The following SPATA32 variants were observed in gnomAD, a reference collection of about 807,000 sequenced individuals.
The protein encoded by SPATA32 is spermatogenesis associated 32, also known as spermatogenesis-associated protein 32.
Under a neutral mutation model 35.4 loss-of-function variants are expected in SPATA32, and 28 were observed. That is an observed-to-expected ratio of 0.79 (90% CI 0.59 to 1.09). SPATA32 has a LOEUF of 1.09. Ranked by LOEUF, SPATA32 falls within the 50% of genes least tolerant of loss-of-function variation. SPATA32 has a pLI of 0.00. For missense variants in SPATA32, 409 were observed against 475.9 expected (o/e 0.86, Z 1.31); for synonymous variants, 168 against 196.3 (o/e 0.86, Z 1.20).
chr17:45,256,120 T>C lies in SPATA32; in HGVS notation c.109-47A>G. 1 of 1,558,376 alleles carries C rather than the reference T, an allele frequency of 6.4e-7. No individual in the cohort carries two copies. The stretch of plus-strand genomic sequence containing the variant: ...CTGAGGAGGCAGGAGCGGGAGGTCC[T>C]GCCCCTGAGGCCCTCCCTGGCACCG... On this transcript the variant is annotated intron_variant, in intron 3 of 4. Coordinates refer to ENST00000331780, the MANE Select transcript of SPATA32 (RefSeq NM_152343.3). This position sits in a 1 kb window ranked among gnomAD's most constrained non-coding sequence, Gnocchi z 4.7.
Position 45,255,503 on chromosome 17 carries a change from G to C in SPATA32, c.679C>G (p.Leu227Val). The C allele has an allele frequency of 1.2e-6, 2 of 1,614,124 alleles. No individual in the cohort carries two copies. Among genetic ancestry groups the C allele is most frequent in the Non-Finnish European group, 1.7e-6 (2 of 1,180,014 alleles). Residue 227 changes from leucine (L) to valine (V), a missense_variant, in exon 4 of 5, where the codon CTC (leucine) becomes GTC (valine). By Grantham distance (32) the Leu-to-Val change is conservative. Coordinates refer to ENST00000331780, the MANE Select transcript of SPATA32 (RefSeq NM_152343.3). This position sits in a 1 kb window ranked among gnomAD's most constrained non-coding sequence, Gnocchi z 5.4. ...PTTSSQAPSPLLSSDLPPPID... is the reference protein window; with the variant it reads ...PTTSSQAPSPVLSSDLPPPID... ...GGTGGCGGGAGATCTGAGGACAGGA[G>C]GGGGCTTGGTGCCTGGGAGCTTGTG...
intron 1 of SPATA32, 181 bp downstream of exon 1, chr17:45,261,823 G>A: frequency 1.8e-6 from 1 of 570,664 alleles, no homozygotes. Flanking sequence ...GGGAGCCGTA[G>A]TCAGGGGCAC....
In SPATA32 at chr17:45,256,546, G is replaced by T; in HGVS notation, c.69-131C>A. 4 of 756,828 alleles carry T rather than the reference G, an allele frequency of 5.3e-6. No homozygotes were observed. Among genetic ancestry groups the T allele is most frequent in the South Asian group, 2.9e-5 (2 of 68,114 alleles). 46.9% of individuals were successfully genotyped at this position (756,828 alleles called of 1,614,324 possible). A position where few individuals can be genotyped will look rare whatever the true frequency, so the allele number is the denominator to read the frequency against. On this transcript the variant is annotated intron_variant, in intron 2 of 4. Coordinates refer to ENST00000331780, the MANE Select transcript of SPATA32 (RefSeq NM_152343.3). This position sits in a 1 kb window ranked among gnomAD's most constrained non-coding sequence, Gnocchi z 4.7. Reference sequence around the variant, plus strand: ...CGATGCACCTCCCGCCGACCACCCCGCCACCAGCTCATCCACTCCCCTGCT... The same window carrying T: ...CGATGCACCTCCCGCCGACCACCCCTCCACCAGCTCATCCACTCCCCTGCT...
Position 45,254,414 on chromosome 17 carries a change from G to T in SPATA32, c.*12C>A, listed in dbSNP as rs755014180. ...GACGGCCAGCACTGGAGGCTTTATT[G>T]GTTCTGTCTAGTCATTTCTCTGGGA... On this transcript the variant is annotated 3_prime_UTR_variant, in exon 5 of 5. Coordinates refer to ENST00000331780, the MANE Select transcript of SPATA32 (RefSeq NM_152343.3). 3.1e-6 allele frequency: 5 copies of T among 1,612,974 alleles called. No individual in the cohort carries two copies. Among genetic ancestry groups the T allele is most frequent in the Admixed American group, 1.7e-5 (1 of 60,022 alleles).
chr17:45,257,228 A>C, intron 1 of SPATA32, 21 bp from the exon 2 acceptor site: 1 of 1,601,466 alleles, frequency 6.2e-7, no homozygotes, highest in Non-Finnish European at 8.5e-7. Context: ...AAAGGAGGTG[A>C]GGGCAGGGAG....
Position 45,255,930 on chromosome 17 carries a change from T to C in SPATA32, c.252A>G (p.Glu84=), listed in dbSNP as rs552851789. The part of the protein sequence containing the change: ...ESELYPALKL[E]AELDTEANSN... ...AGTTGGCTTCCGTGTCCAGCTCAGC[T>C]TCAAGCTTGAGGGCTGGGTATAGCT... The change falls in exon 4 of 5, where the codon GAA becomes GAG. Residue 84 remains glutamate, a synonymous_variant. Coordinates refer to ENST00000331780, the MANE Select transcript of SPATA32 (RefSeq NM_152343.3). This position sits in a 1 kb window ranked among gnomAD's most constrained non-coding sequence, Gnocchi z 5.4. The C allele has an allele frequency of 6.2e-7, 1 of 1,614,128 alleles. No individual in the cohort carries two copies. The highest frequency in any genetic ancestry group is 1.1e-5 in the South Asian group (1 of 91,082).
chr17:45,255,434 T>C lies in SPATA32; in HGVS notation c.748A>G (p.Met250Val), dbSNP rs887908034. 6.2e-7 allele frequency: 1 copy of C among 1,614,130 alleles called. No individual in the cohort carries two copies. The highest frequency in any genetic ancestry group is 8.5e-7 in the Non-Finnish European group (1 of 1,180,028). ...AGGTCCATCCTGCTGGAGGAGGCCATGGCCAGGGAAGATGCAAAGGTGATT... is the reference window on the plus strand; with the variant it reads ...AGGTCCATCCTGCTGGAGGAGGCCACGGCCAGGGAAGATGCAAAGGTGATT... ...ELITFASSLAMASSSRMDLPS... is the reference protein window; with the variant it reads ...ELITFASSLAVASSSRMDLPS... Residue 250 changes from methionine (M) to valine (V), a missense_variant, in exon 4 of 5, where the codon ATG becomes GTG. Physicochemically the swap from Met to Val is conservative, Grantham distance 21. Coordinates refer to ENST00000331780, the MANE Select transcript of SPATA32 (RefSeq NM_152343.3). This position sits in a 1 kb window ranked among gnomAD's most constrained non-coding sequence, Gnocchi z 5.4.
chr17:45,261,980 C>A (rs770620396), intron 1 of SPATA32, 24 bp downstream of exon 1: 44 of 1,312,462 alleles, frequency 3.4e-5, no homozygotes, highest in Non-Finnish European at 4.3e-5. Flanking sequence ...CAACCCTCGC[C>A]CCCGGGCGCT....
chr17:45,261,310 C>G (rs1331527940), intron 1 of SPATA32, among the ~76,000 whole-genome samples: 5 of 152,152 alleles, frequency 3.3e-5, no homozygotes. Flanking sequence ...ATCTTGAACT[C>G]CTGGCCTCAT....
chr17:45,254,490 T>C lies in SPATA32; in HGVS notation c.1091A>G (p.Lys364Arg), dbSNP rs1210174040. The change falls in exon 5 of 5, where the codon AAA becomes AGA. Residue 364 changes from lysine (K) to arginine (R), a missense_variant. Physicochemically the swap from Lys to Arg is conservative, Grantham distance 26. Coordinates refer to ENST00000331780, the MANE Select transcript of SPATA32 (RefSeq NM_152343.3). ...KEDSVPPGKE[K>R]ENPLLVKIHF... ...GATTTTCACCAATAATGGATTCTCTTTCTCTTTTCCTGGCGGCACTGAGCT... is the reference window on the plus strand; with the variant it reads ...GATTTTCACCAATAATGGATTCTCTCTCTCTTTTCCTGGCGGCACTGAGCT... The C allele has an allele frequency of 1.2e-6, 2 of 1,614,142 alleles. No homozygotes were observed. The highest frequency in any genetic ancestry group is 2.7e-5 in the African/African-American group (2 of 75,042).
intron 1 of SPATA32, chr17:45,261,049 A>G (rs1193094289): frequency 6.6e-6 from 1 of 151,410 alleles, no homozygotes; most frequent in African/African-American, 2.4e-5. Context: ...TGGCTGTCTA[A>G]TCTACGTTTT....
In SPATA32 at chr17:45,256,459, C is replaced by T. The variant is rs1371833075; in HGVS notation, c.69-44G>A. On this transcript the variant is annotated intron_variant, in intron 2 of 4. Transcript: ENST00000331780. This position sits in a 1 kb window ranked among gnomAD's most constrained non-coding sequence, Gnocchi z 4.7. ...GAGTGGGTGATGGGGATCTGTGGGG[C>T]TTCAGCGGGAAGGGGGTTTCTGGGG... 6 of 1,575,410 alleles carry T rather than the reference C, an allele frequency of 3.8e-6. No homozygotes were observed. The Admixed American group carries it at 6.7e-5, about 18-fold the overall frequency.
At chr17:45,254,939 T>C in intron 4 of SPATA32, 176 bp downstream of exon 4, 3 of 677,924 alleles carry the variant, frequency 4.4e-6, no homozygotes, top group South Asian at 1.9e-5. Context: ...CTCAGTCCAC[T>C]GGAACCTCGT....
At position 45,256,339 on chromosome 17, in the gene SPATA32, C is replaced by T. The variant is rs1485871312; in HGVS notation, c.108+37G>A. On this transcript the variant is annotated intron_variant, in intron 3 of 4. Coordinates refer to ENST00000331780, the MANE Select transcript of SPATA32 (RefSeq NM_152343.3). This position sits in a 1 kb window ranked among gnomAD's most constrained non-coding sequence, Gnocchi z 4.7. Reference sequence around the variant, plus strand: ...CTTAGGGAAGAGCCCTGCCGCTTGCCTACCACCTCCCCGTAAGAGGACACT... The same window carrying T: ...CTTAGGGAAGAGCCCTGCCGCTTGCTTACCACCTCCCCGTAAGAGGACACT... 1.9e-6 allele frequency: 3 copies of T among 1,606,790 alleles called. No homozygotes were observed. The African/African-American group carries it at 4.0e-5, about 21-fold the overall frequency.
intron 1 of SPATA32, 74 bp from the exon 2 acceptor site, chr17:45,257,281 C>A (rs1273351863): frequency 8.8e-6 from 13 of 1,477,282 alleles, no homozygotes; most frequent in East Asian, 2.4e-5. Flanking sequence ...CGGAGCCAGC[C>A]CCCTTTTCCT....
rs1480681907 is a variant in SPATA32, at chr17:45,255,629, C to T, written c.553G>A (p.Gly185Ser). The change falls in exon 4 of 5, where the codon GGC (glycine) becomes AGC (serine). Residue 185 changes from glycine (G) to serine (S), a missense_variant. Transcript: ENST00000331780. The surrounding 1 kb of genome is among the most constrained non-coding windows in gnomAD (Gnocchi z 5.4). Reference protein sequence around the residue: ...INMQLNNGSAGQPIRSPLREA... With the variant: ...INMQLNNGSASQPIRSPLREA... ...CGGAGCGGGGATCTGATGGGCTGGC[C>T]TGCGCTGCCATTGTTGAGCTGCATG... is the stretch of plus-strand genomic sequence containing the variant. 35 of 1,613,988 alleles carry T rather than the reference C, an allele frequency of 2.2e-5. No homozygotes were observed. The highest frequency in any genetic ancestry group is 3.0e-5 in the Non-Finnish European group (35 of 1,180,030).
chr17:45,259,984 G>A, intron 1 of SPATA32: 1 of 151,328 alleles, frequency 6.6e-6, no homozygotes, highest in East Asian at 1.9e-4. Context: ...TTCTTTTCTT[G>A]TAATGTCTTT....
chr17:45,255,262 A>G lies in SPATA32; in HGVS notation c.920T>C (p.Leu307Pro), dbSNP rs961106491. Residue 307 changes from leucine (L) to proline (P), a missense_variant, in exon 4 of 5, where the codon CTG becomes CCG. By Grantham distance (98) the Leu-to-Pro change is moderately conservative. Coordinates refer to ENST00000331780, the MANE Select transcript of SPATA32 (RefSeq NM_152343.3). The surrounding 1 kb of genome is among the most constrained non-coding windows in gnomAD (Gnocchi z 5.4). ...PEKPREARAP[L>P]KSWSQEDKNF... ...CTTGTCTTCCTGACTCCAAGATTTC[A>G]GTGGTGCTCTGGCTTCGCGTGGTTT... 1.9e-6 allele frequency: 3 copies of G among 1,614,056 alleles called. No homozygotes were observed. The African/African-American group carries it at 4.0e-5, about 22-fold the overall frequency.
At chr17:45,257,357 C>G (rs1049001655) in intron 1 of SPATA32, 150 bp from the exon 2 acceptor site, 4 of 865,214 alleles carry the variant, frequency 4.6e-6, no homozygotes, top group Non-Finnish European at 7.3e-6. Context: ...TCCTTGTTCC[C>G]GAGCCGGTCG....
Sources: gnomAD v4.1 joint callset for allele counts (sites outside exome capture counted in the v4.1 genomes callset) on GRCh38, gnomAD v4.1.1 for gene constraint, Gnocchi (gnomAD v3.1) non-coding constraint, MANE v1.5 for transcripts, NCBI Gene and HGNC (gene_info 2026-07-23, HGNC 2026-07-21) for gene names.